The following CCSER1 variants were observed in gnomAD, a reference collection of about 807,000 sequenced individuals.
The protein encoded by CCSER1 is serine-rich coiled-coil domain-containing protein 1.
CCSER1 carries 41 observed loss-of-function variants against 82.0 expected under a neutral mutation model. The observed-to-expected ratio is 0.50, with a 90% CI of 0.39 to 0.65. CCSER1 has a LOEUF of 0.65. CCSER1 is among the 30% of genes least tolerant of loss of function. CCSER1 has a pLI of 0.00. For missense variants in CCSER1, 1,119 were observed against 1,064.2 expected, an observed-to-expected ratio of 1.05 and a Z score of -0.72; for synonymous variants, 414 against 383.9, an observed-to-expected ratio of 1.08 and a Z score of -0.92.
At chr4:90,662,463 T>C (rs1731001608) in intron 6 of CCSER1, among the ~76,000 whole-genome samples, 1 of 152,138 alleles carries the variant, frequency 6.6e-6, no homozygotes, top group Non-Finnish European at 1.5e-5. Context: ...ACTATGCTAA[T>C]TGATCTCTAA....
chr4:90,412,947 A>G (rs186021279), intron 4 of CCSER1, among the ~76,000 whole-genome samples: 101 of 149,216 alleles, frequency 6.8e-4, no homozygotes, highest in African/African-American at 2.4e-3. Flanking sequence ...CATCCAAATC[A>G]GTAAAGAGGA....
intron 10 of CCSER1, chr4:91,112,499 C>T (rs1726179089): frequency 6.6e-6 from 1 of 152,012 alleles, no homozygotes; most frequent in African/African-American, 2.4e-5. Flanking sequence ...TTTGTTCTTT[C>T]CTCCTTCATA....
chr4:91,344,346 G>A (rs1747912683), intron 10 of CCSER1, among the ~76,000 whole-genome samples: 1 of 152,062 alleles, frequency 6.6e-6, no homozygotes, highest in Non-Finnish European at 1.5e-5. Flanking sequence ...AAGTTATTTT[G>A]TTACATCAGC....
At chr4:91,100,874 A>G (rs1724991233) in intron 10 of CCSER1, among the ~76,000 whole-genome samples, 1 of 152,196 alleles carries the variant, frequency 6.6e-6, no homozygotes, top group Non-Finnish European at 1.5e-5. Context: ...CTACTTCAGT[A>G]AGAAAGATCA....
chr4:91,599,025 G>A lies in CCSER1; in HGVS notation c.2671G>A (p.Glu891Lys). The A allele has an allele frequency of 1.9e-6, 3 of 1,548,368 alleles. No individual in the cohort carries two copies. The highest frequency in any genetic ancestry group is 2.6e-6 in the Non-Finnish European group (3 of 1,144,468). Reference sequence around the variant, plus strand: ...TCTCCACCACAATTTACACAGCACTGAGCTGCAAACTCTAGGCCAGCAGGA... The same window carrying A: ...TCTCCACCACAATTTACACAGCACTAAGCTGCAAACTCTAGGCCAGCAGGA... ...VFLHHNLHST[E>K]LQTLGQQDG Residue 891 changes from glutamate (E) to lysine (K), a missense_variant, in exon 11 of 11, where the codon GAG becomes AAG. By Grantham distance (56) the Glu-to-Lys change is moderately conservative. Transcript: ENST00000509176.
At chr4:90,517,597 G>C (rs937553506) in intron 5 of CCSER1, among the ~76,000 whole-genome samples, 1 of 152,118 alleles carries the variant, frequency 6.6e-6, no homozygotes, top group African/African-American at 2.4e-5. Context: ...AAACTGGTGT[G>C]ATCCAGAGGC....
intron 4 of CCSER1, among the ~76,000 whole-genome samples, chr4:90,457,611 C>A (rs1489245139): frequency 6.6e-6 from 1 of 152,188 alleles, no homozygotes; most frequent in East Asian, 1.9e-4. Context: ...AGCTCCTCCC[C>A]ACAGGCAGGT....
rs192549906 is a variant in CCSER1 at position 91,227,966 on chromosome 4, T to G, written c.2217+141972T>G. Among the ~76,000 whole-genome samples the G allele has an allele frequency of 4.2e-4, 64 of 152,162 alleles. No homozygotes were observed. In the East Asian group the frequency reaches 0.012, roughly 28 times the overall value. On this transcript the variant is annotated intron_variant, in intron 10 of 10. Coordinates refer to ENST00000509176, the MANE Select transcript of CCSER1 (RefSeq NM_001145065.2). ...ATTCATCCTCTATTTGGTTTTTATT[T>G]TTTGCATGTAAATATTGAGCCAGTC...
intron 5 of CCSER1, among the ~76,000 whole-genome samples, chr4:90,616,730 CACACACACAAATA>C (rs769896509): frequency 0.06 from 5,236 of 87,388 alleles, 131 homozygotes; most frequent in African/African-American, 0.11. Flanking sequence ...CACACACACA[CACACACACAAATA>C]AAATAAAATA....
intron 10 of CCSER1, among the ~76,000 whole-genome samples, chr4:91,294,415 A>G (rs1744003251): frequency 6.6e-6 from 1 of 151,738 alleles, no homozygotes; most frequent in Non-Finnish European, 1.5e-5. Context: ...CCATTTTAAA[A>G]TAATATGTCG....
Position 91,368,276 on chromosome 4 carries a change from A to G in CCSER1, c.2218-230296A>G, listed in dbSNP as rs77218501. On this transcript the variant is annotated intron_variant, in intron 10 of 10. Coordinates refer to ENST00000509176, the MANE Select transcript of CCSER1 (RefSeq NM_001145065.2). ...AGCTAATATTAAATTCAATGTTCTCAAATATTTACTCACAGTAATATGCTC... is the reference window on the plus strand; with the variant it reads ...AGCTAATATTAAATTCAATGTTCTCGAATATTTACTCACAGTAATATGCTC... 9.1e-3 allele frequency among the ~76,000 whole-genome samples: 1,384 copies of G among 152,232 alleles called. 14 individuals are homozygous for G. Among genetic ancestry groups the G allele is most frequent in the Non-Finnish European group, 0.013 (910 of 68,002 alleles).
chr4:90,565,784 A>T (rs1288466304), intron 5 of CCSER1, among the ~76,000 whole-genome samples: 1 of 151,764 alleles, frequency 6.6e-6, no homozygotes, highest in Non-Finnish European at 1.5e-5. Flanking sequence ...TTTGTCTGTC[A>T]TTCTGTTAAT....
chr4:91,151,014 TTTA>T (rs1323984363), intron 10 of CCSER1, among the ~76,000 whole-genome samples: 1 of 152,184 alleles, frequency 6.6e-6, no homozygotes, highest in Non-Finnish European at 1.5e-5. Flanking sequence ...TCCCTCTTTT[TTTA>T]TTGATTGAAT....
At chr4:90,746,765 T>C (rs566318188) in intron 7 of CCSER1, among the ~76,000 whole-genome samples, 1 of 152,328 alleles carries the variant, frequency 6.6e-6, no homozygotes, top group East Asian at 1.9e-4. Context: ...AAGTTTTAGG[T>C]ACTGAAAACT....
chr4:91,097,517 G>A (rs1270084954), intron 10 of CCSER1, among the ~76,000 whole-genome samples: 2 of 152,054 alleles, frequency 1.3e-5, no homozygotes, highest in African/African-American at 4.8e-5. Flanking sequence ...GTTAATATTG[G>A]TACACTTGAA....
At chr4:91,031,481 C>A (rs1260880381) in intron 9 of CCSER1, among the ~76,000 whole-genome samples, 1 of 152,104 alleles carries the variant, frequency 6.6e-6, no homozygotes, top group East Asian at 1.9e-4. Context: ...CAAGGACTTA[C>A]AAATGCTTAT....
At chr4:90,817,856 C>T (rs528449417) in intron 8 of CCSER1, among the ~76,000 whole-genome samples, 1 of 152,174 alleles carries the variant, frequency 6.6e-6, no homozygotes, top group East Asian at 1.9e-4. Flanking sequence ...TATTTCTGGT[C>T]CTGGTAATAA....
chr4:91,035,677 A>G (rs1028284028), intron 9 of CCSER1, among the ~76,000 whole-genome samples: 1 of 152,288 alleles, frequency 6.6e-6, no homozygotes, highest in Non-Finnish European at 1.5e-5. Context: ...AATCAAAACA[A>G]AAAAGCAAAG....
chr4:90,788,660 G>T (rs531010085), intron 7 of CCSER1, among the ~76,000 whole-genome samples: 1 of 152,164 alleles, frequency 6.6e-6, no homozygotes, highest in Non-Finnish European at 1.5e-5. Flanking sequence ...TGTCTGCAAA[G>T]ACCTTATTTC....
Sources: allele counts gnomAD v4.1 joint callset (sites outside exome capture counted in the v4.1 genomes callset), GRCh38; gene constraint gnomAD v4.1.1; transcripts MANE v1.5; gene names NCBI Gene and HGNC (gene_info 2026-07-23, HGNC 2026-07-21).